Variants in LARP4B observed in about 807,000 individuals in gnomAD.
LARP4B encodes la-related protein 4B.
In LARP4B, 12 loss-of-function variants were observed where a neutral mutation model predicts 89.8. The observed-to-expected ratio is 0.13, with a 90% CI of 0.09 to 0.22. The LOEUF (loss-of-function observed/expected upper bound fraction) is 0.22, where lower values mean the gene tolerates loss of function less well. Ranked by LOEUF, LARP4B falls within the 10% of genes least tolerant of loss-of-function variation. LARP4B has a pLI of 1.00. For missense variants in LARP4B, 757 were observed against 947.7 expected, an observed-to-expected ratio of 0.80 and a Z score of 2.64; for synonymous variants, 367 against 363.3, an observed-to-expected ratio of 1.01 and a Z score of -0.12.
At chr10:898,988 G>A (rs536999224) in intron 1 of LARP4B, among the ~76,000 whole-genome samples, 2 of 152,268 alleles carry the variant, frequency 1.3e-5, no homozygotes, top group South Asian at 4.1e-4. Context: ...TCAGAGAAGT[G>A]CACCTACAGT....
chr10:925,149 G>A (rs1269409432), intron 1 of LARP4B, among the ~76,000 whole-genome samples: 5 of 152,206 alleles, frequency 3.3e-5, no homozygotes, highest in African/African-American at 1.2e-4. Flanking sequence ...AAAGAAGCAT[G>A]CAGCTGAGAG....
At chr10:833,238 C>A (rs912723723) in intron 8 of LARP4B, among the ~76,000 whole-genome samples, 8 of 100,386 alleles carry the variant, frequency 8.0e-5, no homozygotes, top group Non-Finnish European at 1.3e-4. Context: ...CTAACGATAG[C>A]TGATGAGCTT....
chr10:885,618 C>G, intron 2 of LARP4B, 23 bp downstream of exon 2: 1 of 1,594,324 alleles, frequency 6.3e-7, no homozygotes, highest in Non-Finnish European at 8.6e-7. Context: ...GGACTCCCCA[C>G]CACCCCATTC....
intron 5 of LARP4B, among the ~76,000 whole-genome samples, chr10:859,525 G>A (rs978318853): frequency 6.6e-6 from 1 of 152,016 alleles, no homozygotes; most frequent in Non-Finnish European, 1.5e-5. Context: ...CACACTCCTG[G>A]GTATTTACCC....
chr10:954,822 C>T, the LARP4B span, among the ~76,000 whole-genome samples: 1 of 106,744 alleles, frequency 9.4e-6, no homozygotes, highest in Non-Finnish European at 2.0e-5. This position sits in a 1 kb window ranked among gnomAD's most constrained non-coding sequence, Gnocchi z 5.0. Flanking sequence ...CTCCCATCCA[C>T]GCTTCCCCAG....
intron 1 of LARP4B, among the ~76,000 whole-genome samples, chr10:892,901 AATT>A (rs1442945885): frequency 1.5e-5 from 2 of 130,544 alleles, no homozygotes; most frequent in Non-Finnish European, 3.2e-5. Flanking sequence ...CACCAAGAGA[AATT>A]TTTTTTTTTT....
intron 8 of LARP4B, among the ~76,000 whole-genome samples, chr10:832,134 C>T (rs1014823324): frequency 2.6e-5 from 4 of 152,204 alleles, no homozygotes; most frequent in African/African-American, 7.2e-5. Flanking sequence ...AGCTCTGCCT[C>T]CCGGGTTCAC....
chr10:829,806 A>G, intron 9 of LARP4B, 72 bp from the exon 10 acceptor site: 2 of 955,936 alleles, frequency 2.1e-6, no homozygotes, highest in Non-Finnish European at 3.4e-6. Context: ...AGTTCACTCA[A>G]TAGCTCAAAT....
At chr10:863,706 T>C in intron 5 of LARP4B, 37 bp downstream of exon 5, 1 of 1,557,658 alleles carries the variant, frequency 6.4e-7, no homozygotes, top group Non-Finnish European at 8.7e-7. Context: ...AAGCAGCCCA[T>C]ATTCCCTGGG....
At chr10:884,619 A>G (rs1835795550) in intron 2 of LARP4B, 113 bp from the exon 3 acceptor site, 4 of 659,946 alleles carry the variant, frequency 6.1e-6, no homozygotes, top group South Asian at 3.7e-5. Context: ...CACATTTCAC[A>G]TGACAAATTC....
At chr10:983,388 T>G in the LARP4B span, among the ~76,000 whole-genome samples, 1 of 152,238 alleles carries the variant, frequency 6.6e-6, no homozygotes, top group African/African-American at 2.4e-5. Context: ...GGTGAGTATC[T>G]TAACCAGCTT....
At chr10:966,285 T>C in the LARP4B span, among the ~76,000 whole-genome samples, 123 of 152,066 alleles carry the variant, frequency 8.1e-4, no homozygotes, top group African/African-American at 2.6e-3. Context: ...TGAGACCCCA[T>C]CTCTATAAAA....
chr10:811,480 A>G lies in LARP4B; in HGVS notation c.*1446T>C, dbSNP rs999560343. The G allele has an allele frequency of 1.3e-5, 2 of 152,660 alleles. No individual in the cohort carries two copies. Among genetic ancestry groups the G allele is most frequent in the Non-Finnish European group, 2.9e-5 (2 of 68,046 alleles). The allele number at this position is 152,660 out of a possible 1,614,324, so 9.5% of individuals were successfully genotyped here. On this transcript the variant is annotated 3_prime_UTR_variant, in exon 18 of 18. Transcript: ENST00000316157. ...TACAAAAACTACTACTAGCTCTTGTACTACAGTATGCTTACTCAGTAAAAC... is the reference window on the plus strand; with the variant it reads ...TACAAAAACTACTACTAGCTCTTGTGCTACAGTATGCTTACTCAGTAAAAC...
chr10:829,870 A>G, intron 9 of LARP4B, 136 bp from the exon 10 acceptor site: 1 of 659,564 alleles, frequency 1.5e-6, no homozygotes, highest in Non-Finnish European at 2.7e-6. Flanking sequence ...ATGATTCTTG[A>G]CACTCCCTGG....
intron 3 of LARP4B, among the ~76,000 whole-genome samples, chr10:872,177 G>T (rs1835240744): frequency 6.6e-6 from 1 of 152,198 alleles, no homozygotes; most frequent in African/African-American, 2.4e-5. Flanking sequence ...GCAAGCTTCT[G>T]CCTGTAAAGC....
chr10:922,116 A>G (rs1322854915), intron 1 of LARP4B, among the ~76,000 whole-genome samples: 1 of 152,172 alleles, frequency 6.6e-6, no homozygotes, highest in East Asian at 1.9e-4. Context: ...TGCTTTCAGG[A>G]TGAAACTGTT....
At chr10:935,417 T>C (rs113252776), upstream of LARP4B, among the ~76,000 whole-genome samples, 4 of 152,334 alleles carry the variant, frequency 2.6e-5, no homozygotes, top group African/African-American at 9.6e-5. Flanking sequence ...GAATCTCGCT[T>C]ATTTTTCAAG....
rs1835321874 is a variant in LARP4B, at chr10:873,410, T to C, written c.142-9140A>G. The C allele has an allele frequency of 3.0e-6, 3 of 985,192 alleles. No homozygotes were observed. In the Middle Eastern group the frequency reaches 1.6e-3, roughly 515 times the overall value. The allele number at this position is 985,192 out of a possible 1,614,324, so 61.0% of individuals were successfully genotyped here. ...GAACAGCAGCAAGAATGCTGCGCTG[T>C]ATTTTTTCTTACTCTCATAAACTCA... On this transcript the variant is annotated intron_variant, in intron 3 of 17. Transcript: ENST00000316157.
At chr10:844,506 T>C (rs1833680298) in intron 6 of LARP4B, among the ~76,000 whole-genome samples, 1 of 152,040 alleles carries the variant, frequency 6.6e-6, no homozygotes, top group African/African-American at 2.4e-5. Context: ...CTCAGAGAAA[T>C]TACATCAAAC....
Sources: allele counts gnomAD v4.1 joint callset (sites outside exome capture counted in the v4.1 genomes callset), GRCh38; gene constraint gnomAD v4.1.1; non-coding constraint Gnocchi (gnomAD v3.1); transcripts MANE v1.5; gene names NCBI Gene and HGNC (gene_info 2026-07-23, HGNC 2026-07-21).